Variants in IMMP2L observed in about 807,000 individuals in gnomAD.
IMMP2L encodes the protein inner mitochondrial membrane peptidase subunit 2, also known as mitochondrial inner membrane protease subunit 2.
Under a neutral mutation model 19.3 loss-of-function variants are expected in IMMP2L, and 18 were observed. That is an observed-to-expected ratio of 0.93 (90% CI 0.64 to 1.38). The LOEUF (loss-of-function observed/expected upper bound fraction) is 1.38. IMMP2L is among the 40% of genes most tolerant of loss of function. The probability of loss-of-function intolerance (pLI) is 0.00; values close to 1 mark genes in which losing one functional copy is unlikely to be tolerated. For missense variants in IMMP2L, 233 were observed against 218.2 expected, an observed-to-expected ratio of 1.07 and a Z score of -0.43; for synonymous variants, 76 against 73.0, an observed-to-expected ratio of 1.04 and a Z score of -0.21.
At chr7:111,165,781 G>C (rs1045868678) in intron 3 of IMMP2L, among the ~76,000 whole-genome samples, 3 of 151,934 alleles carry the variant, frequency 2.0e-5, no homozygotes, top group African/African-American at 7.2e-5. Context: ...TTGGCTCCTA[G>C]GAAAAAGACT....
intron 1 of IMMP2L, among the ~76,000 whole-genome samples, chr7:111,550,507 G>T (rs1849350405): frequency 6.6e-6 from 1 of 152,112 alleles, no homozygotes; most frequent in Admixed American, 6.6e-5. Flanking sequence ...TACCATTCTG[G>T]TGGGGGATGT....
intron 3 of IMMP2L, among the ~76,000 whole-genome samples, chr7:110,983,313 T>A (rs1821499256): frequency 6.6e-6 from 1 of 152,022 alleles, no homozygotes; most frequent in Non-Finnish European, 1.5e-5. Context: ...AAACAAAATA[T>A]TTTTCCTCTT....
intron 5 of IMMP2L, among the ~76,000 whole-genome samples, chr7:110,845,187 T>C (rs1474033044): frequency 1.3e-5 from 2 of 152,182 alleles, no homozygotes; most frequent in Non-Finnish European, 2.9e-5. Flanking sequence ...TATACCTGTC[T>C]CCCTCAGCAT....
chr7:111,201,265 T>C (rs1467075788), intron 3 of IMMP2L, among the ~76,000 whole-genome samples: 2 of 147,636 alleles, frequency 1.4e-5, no homozygotes, highest in African/African-American at 5.2e-5. Flanking sequence ...AACCAACATT[T>C]AACGTATCAA....
intron 1 of IMMP2L, among the ~76,000 whole-genome samples, chr7:111,556,018 G>GTGTATATATATATATATA (rs777862357): frequency 7.4e-4 from 68 of 91,356 alleles, no homozygotes; most frequent in East Asian, 1.3e-3. Context: ...CTGTGTGCAT[G>GTGTATATATATATATATA]TATATATATA....
chr7:110,970,942 T>C (rs1441047839), intron 3 of IMMP2L, among the ~76,000 whole-genome samples: 1 of 152,162 alleles, frequency 6.6e-6, no homozygotes, highest in African/African-American at 2.4e-5. Context: ...TAGTACCACA[T>C]ATTTTTGGTA....
chr7:111,157,771 C>T (rs1804805034), intron 3 of IMMP2L, among the ~76,000 whole-genome samples: 1 of 151,968 alleles, frequency 6.6e-6, no homozygotes, highest in Non-Finnish European at 1.5e-5. Flanking sequence ...TTGAGGTAAT[C>T]GATATCCCAT....
intron 5 of IMMP2L, among the ~76,000 whole-genome samples, chr7:110,843,095 C>G (rs1229623224): frequency 6.6e-6 from 1 of 150,500 alleles, no homozygotes; most frequent in East Asian, 1.9e-4. Context: ...TTCTAAAACT[C>G]AATCTTTATG....
chr7:110,969,046 G>A (rs1260069375), intron 3 of IMMP2L, among the ~76,000 whole-genome samples: 1 of 151,972 alleles, frequency 6.6e-6, no homozygotes, highest in East Asian at 1.9e-4. Context: ...TAAAGGTTTG[G>A]TCAACTTTTA....
chr7:111,261,236 T>C (rs1817279799), intron 3 of IMMP2L, among the ~76,000 whole-genome samples: 1 of 152,126 alleles, frequency 6.6e-6, no homozygotes, highest in South Asian at 2.1e-4. Flanking sequence ...AGTTTAGCTC[T>C]CTGAGGTAAA....
intron 3 of IMMP2L, among the ~76,000 whole-genome samples, chr7:111,433,538 C>G (rs1435107126): frequency 6.6e-6 from 1 of 151,814 alleles, no homozygotes; most frequent in Non-Finnish European, 1.5e-5. Flanking sequence ...AGTGAAACTG[C>G]TCCCATAATT....
chr7:111,054,115 G>A (rs1463055492), intron 3 of IMMP2L, among the ~76,000 whole-genome samples: 1 of 152,148 alleles, frequency 6.6e-6, no homozygotes, highest in African/African-American at 2.4e-5. Flanking sequence ...ACCACAATAT[G>A]TGAAAACATA....
chr7:111,330,696 C>G lies in IMMP2L; in HGVS notation c.239+156542G>C, dbSNP rs751020031. ...TCATATCCAACAAGAGGTTAGTATA[C>G]AAAATGTACATAAAGCTCAAATGAC... On this transcript the variant is annotated intron_variant, in intron 3 of 5. Transcript: ENST00000405709. Among the ~76,000 whole-genome samples the G allele has an allele frequency of 4.6e-5, 7 of 151,790 alleles. No homozygotes were observed. The South Asian group carries it at 1.5e-3, about 32-fold the overall frequency.
intron 4 of IMMP2L, among the ~76,000 whole-genome samples, chr7:110,935,301 C>A (rs945542166): frequency 6.6e-6 from 1 of 152,080 alleles, no homozygotes; most frequent in Non-Finnish European, 1.5e-5. Flanking sequence ...AAATTCTTTT[C>A]TTTAAGAATG....
In IMMP2L at chr7:111,412,834, T is replaced by C. The variant is rs1010542617; in HGVS notation, c.239+74404A>G. ...GCCACTGGTTTAGAAGAAATTTTTT[T>C]TTTAAATAAACTTCTACGTTAACAA... On this transcript the variant is annotated intron_variant, in intron 3 of 5. Transcript: ENST00000405709. 3.1e-4 allele frequency among the ~76,000 whole-genome samples: 47 copies of C among 151,870 alleles called. 1 individual carries two copies. The highest frequency in any genetic ancestry group is 1.1e-3 in the African/African-American group (46 of 41,296).
At chr7:111,057,147 G>A (rs1793588307) in intron 3 of IMMP2L, among the ~76,000 whole-genome samples, 1 of 152,078 alleles carries the variant, frequency 6.6e-6, no homozygotes, top group Non-Finnish European at 1.5e-5. Flanking sequence ...ATTTTAAGAT[G>A]CTCTCACGAA....
intron 3 of IMMP2L, among the ~76,000 whole-genome samples, chr7:111,160,176 T>C (rs1434526475): frequency 3.3e-5 from 5 of 152,036 alleles, no homozygotes; most frequent in African/African-American, 1.2e-4. Context: ...AAAAATGCAA[T>C]AGCAAAATAC....
chr7:110,902,459 A>G (rs908655929), intron 4 of IMMP2L, among the ~76,000 whole-genome samples: 1 of 139,932 alleles, frequency 7.1e-6, no homozygotes, highest in East Asian at 2.1e-4. Context: ...AATAAAATAT[A>G]AATATGTCAT....
At chr7:111,397,074 C>T (rs1041947381) in intron 3 of IMMP2L, among the ~76,000 whole-genome samples, 2 of 150,994 alleles carry the variant, frequency 1.3e-5, no homozygotes, top group Admixed American at 6.6e-5. Context: ...GGCAACAGAG[C>T]GAGACTCTAT....
Sources: gnomAD v4.1 joint callset for allele counts (sites outside exome capture counted in the v4.1 genomes callset) on GRCh38, gnomAD v4.1.1 for gene constraint, MANE v1.5 for transcripts, NCBI Gene and HGNC (gene_info 2026-07-23, HGNC 2026-07-21) for gene names.